Variants in SLC9A2 observed in about 807,000 individuals in gnomAD.
The protein encoded by SLC9A2 is solute carrier family 9 member A2.
A neutral mutation model predicts 71.7 loss-of-function variants in SLC9A2; 42 were observed. The observed-to-expected ratio is 0.59, with a 90% CI of 0.46 to 0.76. The LOEUF (loss-of-function observed/expected upper bound fraction) is 0.76. Ranked by LOEUF, SLC9A2 falls within the 30% of genes least tolerant of loss-of-function variation. The probability of loss-of-function intolerance (pLI) is 0.00; values close to 1 mark genes in which losing one functional copy is unlikely to be tolerated. For synonymous variants in SLC9A2, 396 were observed against 392.5 expected (o/e 1.01, Z -0.10); for missense variants, 829 against 1,017.4 (o/e 0.81, Z 2.52).
At chr2:102,633,714 C>G (rs1454550204) in intron 1 of SLC9A2, among the ~76,000 whole-genome samples, 3 of 152,092 alleles carry the variant, frequency 2.0e-5, no homozygotes, top group Admixed American at 2.0e-4. Flanking sequence ...GAATCTTGGC[C>G]TGGTCTTGTC....
intron 1 of SLC9A2, among the ~76,000 whole-genome samples, chr2:102,640,075 T>C (rs148543315): frequency 3.9e-5 from 6 of 152,330 alleles, no homozygotes; most frequent in Non-Finnish European, 8.8e-5. Context: ...CATTGGAGTC[T>C]CCAGTTAAAA....
intron 1 of SLC9A2, among the ~76,000 whole-genome samples, chr2:102,654,257 T>C (rs971698294): frequency 7.6e-6 from 1 of 131,042 alleles, no homozygotes; most frequent in Non-Finnish European, 1.6e-5. Flanking sequence ...TATCACACAC[T>C]AGCAGGTGCA....
intron 1 of SLC9A2, among the ~76,000 whole-genome samples, chr2:102,627,165 A>G (rs1676266663): frequency 6.6e-6 from 1 of 151,670 alleles, no homozygotes; most frequent in South Asian, 2.1e-4. Context: ...AACAACAACA[A>G]AAAGCCAGGT....
At chr2:102,704,781 AGTTCTCTGAG>A in intron 10 of SLC9A2, 106 bp downstream of exon 10, 2 of 1,276,282 alleles carry the variant, frequency 1.6e-6, no homozygotes, top group East Asian at 5.3e-5. Flanking sequence ...GGCTGTTGAC[AGTTCTCTGAG>A]GAGCTGCAGG....
intron 8 of SLC9A2, among the ~76,000 whole-genome samples, chr2:102,701,580 T>C (rs1302629839): frequency 1.3e-5 from 2 of 152,222 alleles, no homozygotes; most frequent in Non-Finnish European, 2.9e-5. Flanking sequence ...TATAAATTCA[T>C]GTATGATCAA....
chr2:102,649,531 G>A (rs1676791763), intron 1 of SLC9A2, among the ~76,000 whole-genome samples: 1 of 152,118 alleles, frequency 6.6e-6, no homozygotes, highest in Admixed American at 6.5e-5. Flanking sequence ...AGAGTGAAGA[G>A]GCAACCTACA....
intron 3 of SLC9A2, among the ~76,000 whole-genome samples, chr2:102,672,033 C>T (rs1024230020): frequency 2.6e-5 from 4 of 151,962 alleles, no homozygotes; most frequent in African/African-American, 4.8e-5. Context: ...TGCTTGAACC[C>T]GGGAGGCGGA....
intron 1 of SLC9A2, among the ~76,000 whole-genome samples, chr2:102,646,804 GC>G (rs1428217945): frequency 8.5e-6 from 1 of 118,098 alleles, no homozygotes; most frequent in East Asian, 2.7e-4. Flanking sequence ...CAATACAGGA[GC>G]ACCCAGATTC....
intron 3 of SLC9A2, among the ~76,000 whole-genome samples, chr2:102,667,445 T>G (rs773924727): frequency 2.0e-5 from 3 of 152,166 alleles, no homozygotes; most frequent in Non-Finnish European, 4.4e-5. Context: ...TTGCCAGATG[T>G]TCACAGGCAG....
chr2:102,679,879 A>G (rs1025936328), intron 3 of SLC9A2, among the ~76,000 whole-genome samples: 3 of 152,238 alleles, frequency 2.0e-5, no homozygotes, highest in African/African-American at 7.2e-5. Context: ...ATTCAAAAAA[A>G]TCAACTCAAG....
At chr2:102,628,973 A>T (rs144875009) in intron 1 of SLC9A2, among the ~76,000 whole-genome samples, 80 of 152,222 alleles carry the variant, frequency 5.3e-4, no homozygotes, top group African/African-American at 1.8e-3. Context: ...TTTTCCATTT[A>T]TACTTGAAAA....
chr2:102,665,628 G>T (rs1033838599), intron 3 of SLC9A2, among the ~76,000 whole-genome samples: 1 of 151,704 alleles, frequency 6.6e-6, no homozygotes, highest in Non-Finnish European at 1.5e-5. Context: ...CAAAAAATTA[G>T]CCAGGCGTGG....
rs184345306 is a variant in SLC9A2 at position 102,638,842 on chromosome 2, A to G, written c.289+18705A>G. Among the ~76,000 whole-genome samples, 190 of 152,376 alleles carry G rather than the reference A, an allele frequency of 1.2e-3. 1 individual carries two copies. The highest frequency in any genetic ancestry group is 4.2e-3 in the African/African-American group (176 of 41,580). On this transcript the variant is annotated intron_variant, in intron 1 of 11. Transcript: ENST00000233969. ...TCAAAGAATTTAACAGTCTTAAAAC[A>G]AAATAAAAACTTTTAAAACCATTCT...
chr2:102,668,216 T>C (rs1677180715), intron 3 of SLC9A2, among the ~76,000 whole-genome samples: 1 of 152,208 alleles, frequency 6.6e-6, no homozygotes, highest in African/African-American at 2.4e-5. Context: ...TATTCTGTCA[T>C]GAAAAATGCA....
chr2:102,640,130 T>C (rs1008995136), intron 1 of SLC9A2, among the ~76,000 whole-genome samples: 1 of 152,230 alleles, frequency 6.6e-6, no homozygotes, highest in Non-Finnish European at 1.5e-5. Flanking sequence ...TCCTGAGGCT[T>C]GGTGTACAAT....
chr2:102,662,334 T>C lies in SLC9A2; in HGVS notation c.754-2766T>C, dbSNP rs970800129. Among the ~76,000 whole-genome samples the C allele has an allele frequency of 3.3e-5, 5 of 152,242 alleles. No individual in the cohort carries two copies. In the East Asian group the frequency reaches 9.6e-4, roughly 29 times the overall value. ...CCCGTTAATCTGTGGAAGGAGTACCTGGGCTTCCCTCAGAGAACTCTTCAG... is the reference window on the plus strand; with the variant it reads ...CCCGTTAATCTGTGGAAGGAGTACCCGGGCTTCCCTCAGAGAACTCTTCAG... On this transcript the variant is annotated intron_variant, in intron 2 of 11. Transcript: ENST00000233969.
At chr2:102,647,304 T>C (rs1676747617) in intron 1 of SLC9A2, among the ~76,000 whole-genome samples, 1 of 151,992 alleles carries the variant, frequency 6.6e-6, no homozygotes. Context: ...CCAATGAGAA[T>C]AAAGACACAA....
chr2:102,696,104 T>C (rs906700384), intron 7 of SLC9A2, among the ~76,000 whole-genome samples: 2 of 152,002 alleles, frequency 1.3e-5, no homozygotes, highest in African/African-American at 2.4e-5. Context: ...CAGCCCCCAC[T>C]TGCTAGTGGG....
At chr2:102,647,391 T>C (rs376583283) in intron 1 of SLC9A2, among the ~76,000 whole-genome samples, 1 of 151,928 alleles carries the variant, frequency 6.6e-6, no homozygotes, top group East Asian at 1.9e-4. Flanking sequence ...CATCAGAAAG[T>C]GAGAAATATT....
Sources: allele counts gnomAD v4.1 joint callset (sites outside exome capture counted in the v4.1 genomes callset), GRCh38; gene constraint gnomAD v4.1.1; transcripts MANE v1.5; gene names NCBI Gene and HGNC (gene_info 2026-07-23, HGNC 2026-07-21).